GABBR2: variants seen among roughly 807,000 people sequenced by gnomAD.
GABBR2 encodes the protein G-protein coupled receptor 51.
In GABBR2, 23 loss-of-function variants were observed where a neutral mutation model predicts 105.6. The ratio of observed to expected loss-of-function variants is 0.22; its 90% CI spans 0.16 to 0.31. The LOEUF (loss-of-function observed/expected upper bound fraction) is 0.31, where lower values mean the gene tolerates loss of function less well. GABBR2 is among the 10% of genes least tolerant of loss of function. The pLI is 1.00. For synonymous variants in GABBR2, 478 were observed against 499.7 expected (o/e 0.96, Z 0.58); for missense variants, 734 against 1,245.5 (o/e 0.59, Z 6.18).
chr9:98,607,123 T>C (rs1343466207), intron 1 of GABBR2: 1 of 1,609,084 alleles, frequency 6.2e-7, no homozygotes, highest in African/African-American at 1.3e-5. Flanking sequence ...AATCCAAAGT[T>C]TTAATCAAAG....
At chr9:98,412,848 CAAG>C (rs557847421) in intron 7 of GABBR2, among the ~76,000 whole-genome samples, 12 of 152,224 alleles carry the variant, frequency 7.9e-5, no homozygotes, top group Non-Finnish European at 1.6e-4. Context: ...TCAGAGAGGT[CAAG>C]AAGAACCTAG....
chr9:98,505,576 G>A (rs10986472), intron 3 of GABBR2, among the ~76,000 whole-genome samples: 18,281 of 152,122 alleles, frequency 0.12, 1,789 homozygotes, highest in East Asian at 0.51. Context: ...GACCTCATTT[G>A]GAAAAAGGGT....
chr9:98,492,353 A>T (rs1358097987), intron 4 of GABBR2, among the ~76,000 whole-genome samples: 45 of 126,186 alleles, frequency 3.6e-4, no homozygotes, highest in Non-Finnish European at 3.8e-4. Flanking sequence ...TCCTAGTAAA[A>T]AAAAAAAAAA....
intron 1 of GABBR2, among the ~76,000 whole-genome samples, chr9:98,667,076 C>T (rs1830345479): frequency 6.6e-6 from 1 of 152,088 alleles, no homozygotes; most frequent in Admixed American, 6.5e-5. Context: ...ACCAGGGGCT[C>T]AGGGTCCTCA....
chr9:98,589,874 C>A, intron 1 of GABBR2, among the ~76,000 whole-genome samples: 1 of 152,012 alleles, frequency 6.6e-6, no homozygotes, highest in South Asian at 2.1e-4. Flanking sequence ...ACCACCACCA[C>A]CACACTAATT....
chr9:98,490,162 G>A (rs1827146732), intron 4 of GABBR2, among the ~76,000 whole-genome samples: 1 of 152,112 alleles, frequency 6.6e-6, no homozygotes, highest in Admixed American at 6.6e-5. Context: ...TGGGATGGTT[G>A]TACAACACTG....
At chr9:98,503,175 G>C (rs944522010) in intron 3 of GABBR2, among the ~76,000 whole-genome samples, 1 of 152,190 alleles carries the variant, frequency 6.6e-6, no homozygotes, top group Non-Finnish European at 1.5e-5. Context: ...AGGTGGGGCA[G>C]GGAAAAGGAT....
At chr9:98,520,331 G>T (rs1022584921) in intron 3 of GABBR2, among the ~76,000 whole-genome samples, 2 of 152,184 alleles carry the variant, frequency 1.3e-5, no homozygotes, top group Admixed American at 6.5e-5. Flanking sequence ...TGGGCTTTCT[G>T]CAGGAGAATG....
chr9:98,318,997 G>C (rs542077344), intron 13 of GABBR2, among the ~76,000 whole-genome samples: 41 of 151,766 alleles, frequency 2.7e-4, no homozygotes, highest in Non-Finnish European at 4.9e-4. Flanking sequence ...GTTTTGAGAT[G>C]GTTCTCCTTT....
At chr9:98,595,845 T>G (rs1330300462) in intron 1 of GABBR2, among the ~76,000 whole-genome samples, 5 of 152,068 alleles carry the variant, frequency 3.3e-5, no homozygotes, top group African/African-American at 1.2e-4. Flanking sequence ...GCAATGGAGA[T>G]GAGCCAATCT....
intron 13 of GABBR2, among the ~76,000 whole-genome samples, chr9:98,339,153 G>A (rs1360867578): frequency 6.6e-6 from 1 of 152,016 alleles, no homozygotes; most frequent in Non-Finnish European, 1.5e-5. Flanking sequence ...GATAAAAGAA[G>A]GTTTCTTTTT....
At chr9:98,443,042 C>T (rs1826058950) in intron 7 of GABBR2, among the ~76,000 whole-genome samples, 1 of 152,114 alleles carries the variant, frequency 6.6e-6, no homozygotes, top group Non-Finnish European at 1.5e-5. Flanking sequence ...TAGGGGGGCA[C>T]AATTCAATCC....
rs543109093 is a variant in GABBR2, at chr9:98,531,343, C to T, written c.630+10530G>A. 1.6e-4 allele frequency among the ~76,000 whole-genome samples: 24 copies of T among 152,250 alleles called. No individual in the cohort carries two copies. The South Asian group carries it at 5.0e-3, about 32-fold the overall frequency. On this transcript the variant is annotated intron_variant, in intron 3 of 18. Coordinates refer to ENST00000259455, the MANE Select transcript of GABBR2 (RefSeq NM_005458.8). ...ACCATCCACTAGGTCCTGAGGTCTTCCTTTTGAACCAAAAATGGGACAGCC... is the reference window on the plus strand; with the variant it reads ...ACCATCCACTAGGTCCTGAGGTCTTTCTTTTGAACCAAAAATGGGACAGCC...
intron 3 of GABBR2, among the ~76,000 whole-genome samples, chr9:98,500,710 T>G (rs1428556899): frequency 1.3e-5 from 2 of 152,230 alleles, no homozygotes; most frequent in Admixed American, 1.3e-4. Flanking sequence ...AGTTGTTGAC[T>G]TGACACCTCC....
intron 13 of GABBR2, among the ~76,000 whole-genome samples, chr9:98,357,056 G>C (rs1831496853): frequency 6.6e-6 from 1 of 152,208 alleles, no homozygotes; most frequent in Non-Finnish European, 1.5e-5. Context: ...AGGATATTTA[G>C]AACAGTGAAT....
intron 16 of GABBR2, among the ~76,000 whole-genome samples, chr9:98,300,790 G>T (rs1157022251): frequency 6.6e-6 from 1 of 152,202 alleles, no homozygotes; most frequent in Admixed American, 6.5e-5. Flanking sequence ...CAGAGAGAAA[G>T]TCTTGCCCCA....
At chr9:98,443,004 T>C (rs1371106198) in intron 7 of GABBR2, among the ~76,000 whole-genome samples, 1 of 152,206 alleles carries the variant, frequency 6.6e-6, no homozygotes, top group Non-Finnish European at 1.5e-5. Flanking sequence ...TGAGCTACTG[T>C]GGGTTGCAGT....
chr9:98,338,983 C>A (rs1183888209), intron 13 of GABBR2, among the ~76,000 whole-genome samples: 1 of 152,126 alleles, frequency 6.6e-6, no homozygotes, highest in East Asian at 1.9e-4. Context: ...CATGAAGGAA[C>A]CTTGAAAACA....
intron 2 of GABBR2, among the ~76,000 whole-genome samples, chr9:98,561,691 T>C (rs999280712): frequency 1.3e-5 from 2 of 152,148 alleles, no homozygotes; most frequent in African/African-American, 4.8e-5. Flanking sequence ...GAATCCAGCC[T>C]GAGCAACATG....
Sources: allele counts gnomAD v4.1 joint callset (sites outside exome capture counted in the v4.1 genomes callset), GRCh38; gene constraint gnomAD v4.1.1; transcripts MANE v1.5; gene names NCBI Gene and HGNC (gene_info 2026-07-23, HGNC 2026-07-21).